CFAP97: variants seen among roughly 807,000 people sequenced by gnomAD.
CFAP97 encodes cilia- and flagella-associated protein 97.
CFAP97 carries 36 observed loss-of-function variants against 43.1 expected under a neutral mutation model. The observed-to-expected ratio is 0.84, with a 90% CI of 0.64 to 1.10. The LOEUF is 1.10. CFAP97 is among the 50% of genes least tolerant of loss of function. The probability of loss-of-function intolerance (pLI) is 0.00; values close to 1 mark genes in which losing one functional copy is unlikely to be tolerated. For missense variants in CFAP97, 657 were observed against 620.3 expected (o/e 1.06, Z -0.63); for synonymous variants, 228 against 225.7 (o/e 1.01, Z -0.09).
In CFAP97 at chr4:185,162,941, G is replaced by C. The variant is rs531111986; in HGVS notation, c.1472-16C>G. The C allele has an allele frequency of 1.1e-4, 171 of 1,528,506 alleles. 3 individuals carry two copies. Among genetic ancestry groups the C allele is most frequent in the Middle Eastern group, 7.0e-4 (4 of 5,742 alleles). The allele number at this position is 1,528,506 out of a possible 1,614,324, so 94.7% of individuals were successfully genotyped here. On this transcript the variant is annotated splice_polypyrimidine_tract_variant and intron_variant, in intron 4 of 4. Transcript: ENST00000458385. ...CTGGAAGCTCCTGAAAATATAAAAA[G>C]AAGAAATATCTGAGAAACTTCTCCT...
chr4:185,202,125 A>G (rs368209821), intron 1 of CFAP97, among the ~76,000 whole-genome samples: 367 of 152,314 alleles, frequency 2.4e-3, no homozygotes, highest in African/African-American at 8.5e-3. Context: ...CCAAAGGAGA[A>G]CCTGATGAAT....
At chr4:185,192,385 G>A (rs528989085) in intron 1 of CFAP97, among the ~76,000 whole-genome samples, 27 of 152,312 alleles carry the variant, frequency 1.8e-4, no homozygotes, top group African/African-American at 6.5e-4. Flanking sequence ...GACACATGGA[G>A]TTAAGTATTA....
At chr4:185,176,328 G>A (rs1382135398) in intron 2 of CFAP97, among the ~76,000 whole-genome samples, 2 of 152,122 alleles carry the variant, frequency 1.3e-5, no homozygotes, top group East Asian at 3.9e-4. Flanking sequence ...GCCCAGGCTG[G>A]TCTCGAACTC....
At chr4:185,175,381 C>T (rs899545601) in intron 3 of CFAP97, among the ~76,000 whole-genome samples, 1 of 152,102 alleles carries the variant, frequency 6.6e-6, no homozygotes, top group African/African-American at 2.4e-5. Context: ...CTCCTCCCAC[C>T]TCAGCTTTCC....
At chr4:185,186,778 T>G (rs1441659425) in intron 2 of CFAP97, among the ~76,000 whole-genome samples, 1 of 152,224 alleles carries the variant, frequency 6.6e-6, no homozygotes. Context: ...AATGTGTAAT[T>G]TCTAATATGG....
intron 3 of CFAP97, among the ~76,000 whole-genome samples, chr4:185,171,086 A>G (rs1199602764): frequency 6.6e-6 from 1 of 151,910 alleles, no homozygotes; most frequent in African/African-American, 2.4e-5. Flanking sequence ...AGAACTCCTA[A>G]CTGGAAAAAT....
In CFAP97 at chr4:185,194,286, C is replaced by T. The variant is rs113806321; in HGVS notation, c.-16-3074G>A. The stretch of plus-strand genomic sequence containing the variant: ...GGTGGATCACCTGAGGTCAGGAGTT[C>T]GAGACCAGCCCGGTCCACATGGCGA... On this transcript the variant is annotated intron_variant, in intron 1 of 4. Coordinates refer to ENST00000458385, the MANE Select transcript of CFAP97 (RefSeq NM_020827.3). Among the ~76,000 whole-genome samples the T allele has an allele frequency of 9.7e-3, 1,477 of 152,226 alleles. 24 individuals carry two copies. The highest frequency in any genetic ancestry group is 0.034 in the African/African-American group (1,405 of 41,520).
At position 185,161,171 on chromosome 4, in the gene CFAP97, G is replaced by T. The variant is rs1037574240; in HGVS notation, c.*1627C>A. 1 of 152,050 alleles carries T rather than the reference G, an allele frequency of 6.6e-6. No individual in the cohort carries two copies. The highest frequency in any genetic ancestry group is 1.5e-5 in the Non-Finnish European group (1 of 68,000). The allele number at this position is 152,050 out of a possible 1,614,324, so 9.4% of individuals were successfully genotyped here. On this transcript the variant is annotated 3_prime_UTR_variant, in exon 5 of 5. Coordinates refer to ENST00000458385, the MANE Select transcript of CFAP97 (RefSeq NM_020827.3). Reference sequence around the variant, plus strand: ...AGCAGGTATAGTAACTTGTTCACCAGAACAGAGCATCGAATAACATTGAAT... The same window carrying T: ...AGCAGGTATAGTAACTTGTTCACCATAACAGAGCATCGAATAACATTGAAT...
intron 1 of CFAP97, among the ~76,000 whole-genome samples, chr4:185,198,989 C>G (rs1448154861): frequency 6.6e-6 from 1 of 152,180 alleles, no homozygotes; most frequent in Non-Finnish European, 1.5e-5. Context: ...CTGGTCTCAA[C>G]ACTTCAAAGA....
chr4:185,196,324 A>G (rs898280246), intron 1 of CFAP97, among the ~76,000 whole-genome samples: 4 of 152,124 alleles, frequency 2.6e-5, no homozygotes, highest in Non-Finnish European at 5.9e-5. Context: ...AATATAAAAA[A>G]TTAGCTGGGT....
chr4:185,207,361 C>T (rs1188620303), upstream of CFAP97, among the ~76,000 whole-genome samples: 2 of 151,856 alleles, frequency 1.3e-5, no homozygotes, highest in East Asian at 1.9e-4. Flanking sequence ...GGACTACAGG[C>T]GCACACCACC....
chr4:185,184,636 G>C (rs1396670685), intron 2 of CFAP97, among the ~76,000 whole-genome samples: 1 of 152,154 alleles, frequency 6.6e-6, no homozygotes, highest in Non-Finnish European at 1.5e-5. Flanking sequence ...ATGAAGTTTT[G>C]AGCCACTCAA....
chr4:185,207,819 G>A (rs1285427837), upstream of CFAP97: 1 of 152,160 alleles, frequency 6.6e-6, no homozygotes, highest in Non-Finnish European at 1.5e-5. Context: ...AGTATGTTTG[G>A]TCCTTAGAAT....
chr4:185,192,189 A>G (rs1736290726), intron 1 of CFAP97, among the ~76,000 whole-genome samples: 1 of 152,202 alleles, frequency 6.6e-6, no homozygotes, highest in Non-Finnish European at 1.5e-5. Flanking sequence ...TCTAAGTCAC[A>G]CATACAGGCT....
Position 185,190,345 on chromosome 4 carries a change from T to A in CFAP97, c.852A>T (p.Gln284His). Residue 284 changes from glutamine to histidine, a missense_variant, in exon 2 of 5, where the codon CAA (glutamine) becomes CAT (histidine). Physicochemically the swap from Gln to His is conservative, Grantham distance 24 (BLOSUM62 0). Coordinates refer to ENST00000458385, the MANE Select transcript of CFAP97 (RefSeq NM_020827.3). ...ANDQKVKIKK[Q>H]ENVSQEIYED... ...CATATATTTCTTGGCTCACATTTTCTTGCTTTTTAATTTTCACTTTTTGAT... is the reference window on the plus strand; with the variant it reads ...CATATATTTCTTGGCTCACATTTTCATGCTTTTTAATTTTCACTTTTTGAT... 3.7e-6 allele frequency: 6 copies of A among 1,604,472 alleles called. No individual in the cohort carries two copies. In the South Asian group the frequency reaches 6.7e-5, roughly 18 times the overall value.
At chr4:185,177,481 A>C (rs893786918) in intron 2 of CFAP97, among the ~76,000 whole-genome samples, 1 of 151,598 alleles carries the variant, frequency 6.6e-6, no homozygotes, top group Non-Finnish European at 1.5e-5. Context: ...GACTATCCTT[A>C]TGTTAATTTT....
At chr4:185,178,997 T>C (rs532128280) in intron 2 of CFAP97, among the ~76,000 whole-genome samples, 8 of 152,046 alleles carry the variant, frequency 5.3e-5, no homozygotes, top group African/African-American at 1.9e-4. Context: ...AGAGGGGCGC[T>C]AAAAAAATCA....
chr4:185,186,661 C>A (rs937013829), intron 2 of CFAP97, among the ~76,000 whole-genome samples: 1 of 152,118 alleles, frequency 6.6e-6, no homozygotes, highest in African/African-American at 2.4e-5. Flanking sequence ...TAGCAAAAAT[C>A]ACTAATTTTT....
Position 185,193,560 on chromosome 4 carries a change from G to C in CFAP97, c.-16-2348C>G, listed in dbSNP as rs79746059. Among the ~76,000 whole-genome samples the C allele has an allele frequency of 2.6e-5, 4 of 152,112 alleles. No individual in the cohort carries two copies. In the East Asian group the frequency reaches 7.7e-4, roughly 29 times the overall value. ...ACTCAGGAGGCTGAGGCAGGAGAAT[G>C]GCGTGAACCCAGGAGGTGGAGGCTG... On this transcript the variant is annotated intron_variant, in intron 1 of 4. Transcript: ENST00000458385.
Sources: gnomAD v4.1 joint callset for allele counts (sites outside exome capture counted in the v4.1 genomes callset) on GRCh38, gnomAD v4.1.1 for gene constraint, MANE v1.5 for transcripts, NCBI Gene and HGNC (gene_info 2026-07-23, HGNC 2026-07-21) for gene names.